Variants in RPS6KB1 observed in about 807,000 individuals in gnomAD.
RPS6KB1 encodes ribosomal protein S6 kinase B1.
Under a neutral mutation model 70.2 loss-of-function variants are expected in RPS6KB1, and 12 were observed. The ratio of observed to expected loss-of-function variants is 0.17; its 90% CI spans 0.11 to 0.28. The LOEUF is 0.28. Ranked by LOEUF, RPS6KB1 falls within the 10% of genes least tolerant of loss-of-function variation. RPS6KB1 has a pLI of 1.00. For synonymous variants in RPS6KB1, 175 were observed against 211.2 expected, an observed-to-expected ratio of 0.83 and a Z score of 1.49; for missense variants, 270 against 646.6, an observed-to-expected ratio of 0.42 and a Z score of 6.32.
Position 59,950,439 on chromosome 17 carries a change from A to T in RPS6KB1, c.*3651A>T, listed in dbSNP as rs2045149650. 6.6e-6 allele frequency: 1 copy of T among 152,512 alleles called. No individual in the cohort carries two copies. Among genetic ancestry groups the T allele is most frequent in the Admixed American group, 6.5e-5 (1 of 15,272 alleles). The allele number at this position is 152,512 out of a possible 1,614,324, so 9.4% of individuals were successfully genotyped here. On this transcript the variant is annotated 3_prime_UTR_variant, in exon 15 of 15. Transcript: ENST00000225577. ...GAATGAACATAAATAGAAGTGATTTATTTTTTTATTATCTTAAAGATAGGA... is the reference window on the plus strand; with the variant it reads ...GAATGAACATAAATAGAAGTGATTTTTTTTTTTATTATCTTAAAGATAGGA...
rs1447859854 is a variant in RPS6KB1 at position 59,946,324 on chromosome 17, G to A, written c.1341-227G>A. Among the ~76,000 whole-genome samples, 1 of 152,092 alleles carries A rather than the reference G, an allele frequency of 6.6e-6. No individual in the cohort carries two copies. Among genetic ancestry groups the A allele is most frequent in the Non-Finnish European group, 1.5e-5 (1 of 68,016 alleles). ...TTAAATGTATATATATCTCATTGAG[G>A]GTTTTGGGGGTCAGGTGTAGAGGTA... On this transcript the variant is annotated intron_variant, in intron 14 of 14. Coordinates refer to ENST00000225577, the MANE Select transcript of RPS6KB1 (RefSeq NM_003161.4). The surrounding 1 kb of genome is among the most constrained non-coding windows in gnomAD (Gnocchi z 4.2).
At chr17:59,920,392 T>G (rs1391190409) in intron 4 of RPS6KB1, among the ~76,000 whole-genome samples, 2 of 152,232 alleles carry the variant, frequency 1.3e-5, no homozygotes, top group African/African-American at 4.8e-5. Context: ...AAAAAAATTA[T>G]AAGACTTGTA....
At chr17:59,894,266 CT>C (rs904732906) in intron 1 of RPS6KB1, among the ~76,000 whole-genome samples, 17 of 151,696 alleles carry the variant, frequency 1.1e-4, no homozygotes, top group Middle Eastern at 3.4e-3. Flanking sequence ...TATGGAATAA[CT>C]TTTTTTTTCC....
chr17:59,940,793 A>G lies in RPS6KB1; in HGVS notation c.1120-43A>G, dbSNP rs773734152. ...TTACAGTGCATTTGATTGATGTAACATGGACTATTTATTATTTTCTAAATT... is the reference window on the plus strand; with the variant it reads ...TTACAGTGCATTTGATTGATGTAACGTGGACTATTTATTATTTTCTAAATT... On this transcript the variant is annotated intron_variant, in intron 12 of 14. Transcript: ENST00000225577. 5.7e-6 allele frequency: 7 copies of G among 1,237,194 alleles called. No individual in the cohort carries two copies. In the South Asian group the frequency reaches 6.1e-5, roughly 11 times the overall value. 76.6% of individuals were successfully genotyped at this position (1,237,194 alleles called of 1,614,324 possible).
At chr17:59,927,283 C>T (rs910192767) in intron 5 of RPS6KB1, among the ~76,000 whole-genome samples, 2 of 151,788 alleles carry the variant, frequency 1.3e-5, no homozygotes, top group Non-Finnish European at 2.9e-5. Flanking sequence ...GGGGTTTCAC[C>T]ATGTTGGTCA....
chr17:59,919,150 T>G (rs1309983523), intron 4 of RPS6KB1, among the ~76,000 whole-genome samples: 1 of 152,196 alleles, frequency 6.6e-6, no homozygotes, highest in Non-Finnish European at 1.5e-5. Flanking sequence ...TCTGAAAAGC[T>G]GATCAGAAGT....
intron 12 of RPS6KB1, among the ~76,000 whole-genome samples, chr17:59,940,535 C>T (rs1427989152): frequency 6.6e-6 from 1 of 152,018 alleles, no homozygotes; most frequent in Non-Finnish European, 1.5e-5. Flanking sequence ...ATCCGCCTGC[C>T]TCAGCCTCCC....
chr17:59,928,156 TCACA>T (rs35314641), intron 5 of RPS6KB1, among the ~76,000 whole-genome samples: 76,957 of 150,188 alleles, frequency 0.51, 20,347 homozygotes, highest in African/African-American at 0.66. Flanking sequence ...AGACTCAGTC[TCACA>T]CACACACACA....
rs2042280610 is a variant in RPS6KB1, at chr17:59,906,668, C to A, written c.142-3894C>A. On this transcript the variant is annotated intron_variant, in intron 1 of 14. Coordinates refer to ENST00000225577, the MANE Select transcript of RPS6KB1 (RefSeq NM_003161.4). ...TGAGCCACCACACCCGGCCTGGCTC[C>A]TTTGCATTTCTTTCTTTCTTTACTT... Among the ~76,000 whole-genome samples the A allele has an allele frequency of 2.0e-5, 3 of 151,818 alleles. No homozygotes were observed. In the South Asian group the frequency reaches 6.2e-4, roughly 32 times the overall value.
chr17:59,934,098 T>G lies in RPS6KB1; in HGVS notation c.689-72T>G. On this transcript the variant is annotated intron_variant, in intron 7 of 14. Coordinates refer to ENST00000225577, the MANE Select transcript of RPS6KB1 (RefSeq NM_003161.4). This position sits in a 1 kb window ranked among gnomAD's most constrained non-coding sequence, Gnocchi z 4.8. ...TTAAATGGAAGGATAGATTAAAGTATTATGTGACATGTTCAAACACTGCAC... is the reference window on the plus strand; with the variant it reads ...TTAAATGGAAGGATAGATTAAAGTAGTATGTGACATGTTCAAACACTGCAC... The G allele has an allele frequency of 5.1e-6, 5 of 976,520 alleles. No individual in the cohort carries two copies. The highest frequency in any genetic ancestry group is 3.3e-6 in the Non-Finnish European group (2 of 608,042). The allele number at this position is 976,520 out of a possible 1,614,324, so 60.5% of individuals were successfully genotyped here.
At chr17:59,936,310 A>C (rs2044239966) in intron 11 of RPS6KB1, 33 bp downstream of exon 11, 1 of 1,569,100 alleles carries the variant, frequency 6.4e-7, no homozygotes, top group Admixed American at 2.0e-5. Flanking sequence ...TTTTGTGGGG[A>C]AGATAATGCT....
chr17:59,936,936 G>T (rs1270247889), intron 12 of RPS6KB1, among the ~76,000 whole-genome samples: 9 of 152,154 alleles, frequency 5.9e-5, no homozygotes, highest in Non-Finnish European at 1.3e-4. Flanking sequence ...ACAGTTCAAT[G>T]CAGCCTTGAC....
chr17:59,895,764 C>G (rs181955005), intron 1 of RPS6KB1, among the ~76,000 whole-genome samples: 112 of 152,052 alleles, frequency 7.4e-4, no homozygotes, highest in Non-Finnish European at 1.2e-3. Flanking sequence ...TTCCGAGTAG[C>G]TGGGACTACA....
At chr17:59,922,080 G>A (rs1244504303) in intron 4 of RPS6KB1, among the ~76,000 whole-genome samples, 4 of 139,904 alleles carry the variant, frequency 2.9e-5, no homozygotes, top group African/African-American at 8.1e-5. Context: ...TCACTCTGTT[G>A]CCCAGGCTGG....
chr17:59,894,883 G>T (rs1380952946), intron 1 of RPS6KB1, among the ~76,000 whole-genome samples: 1 of 152,090 alleles, frequency 6.6e-6, no homozygotes. Context: ...GGGATTATAG[G>T]CATAAACCAC....
At position 59,893,417 on chromosome 17, in the gene RPS6KB1, C is replaced by T. The variant is rs2144619212; in HGVS notation, c.141+92C>T. ...GCGGTGTGTCCTAGAGCGTGGAGAC[C>T]CAGGGGGGCTCCTGAGGAGCTGAGG... On this transcript the variant is annotated intron_variant, in intron 1 of 14. Transcript: ENST00000225577. The surrounding 1 kb of genome is among the most constrained non-coding windows in gnomAD (Gnocchi z 4.1). 1 of 1,322,612 alleles carries T rather than the reference C, an allele frequency of 7.6e-7. No individual in the cohort carries two copies. The highest frequency in any genetic ancestry group is 1.5e-5 in the African/African-American group (1 of 68,100). The allele number at this position is 1,322,612 out of a possible 1,614,324, so 81.9% of individuals were successfully genotyped here.
In RPS6KB1 at chr17:59,929,832, G is replaced by A. The variant is rs2531899; in HGVS notation, c.530-285G>A. ...TCAATATATATATTTTTTAACCTCA[G>A]GTCTGGAATCTACAGATATTTTAAA... On this transcript the variant is annotated intron_variant, in intron 5 of 14. Coordinates refer to ENST00000225577, the MANE Select transcript of RPS6KB1 (RefSeq NM_003161.4). Among the ~76,000 whole-genome samples the A allele has an allele frequency of 0.17, 25,291 of 151,972 alleles. 2,451 individuals are homozygous for A. The highest frequency in any genetic ancestry group is 0.39 in the East Asian group (2,017 of 5,176).
At chr17:59,917,501 G>T (rs1240248088) in intron 4 of RPS6KB1, among the ~76,000 whole-genome samples, 1 of 151,360 alleles carries the variant, frequency 6.6e-6, no homozygotes, top group Non-Finnish European at 1.5e-5. Flanking sequence ...GTGGTGGTGT[G>T]ATCATACTTC....
chr17:59,941,971 G>T (rs2044628679), intron 13 of RPS6KB1, among the ~76,000 whole-genome samples: 1 of 151,490 alleles, frequency 6.6e-6, no homozygotes, highest in South Asian at 2.1e-4. Context: ...CCATCCTCCT[G>T]CCTCAGCCTC....
Sources: allele counts gnomAD v4.1 joint callset (sites outside exome capture counted in the v4.1 genomes callset), GRCh38; gene constraint gnomAD v4.1.1; non-coding constraint Gnocchi (gnomAD v3.1); transcripts MANE v1.5; gene names NCBI Gene and HGNC (gene_info 2026-07-23, HGNC 2026-07-21).